Variants in NCBP3 observed in about 807,000 individuals in gnomAD.
The protein encoded by NCBP3 is nuclear cap binding subunit 3.
NCBP3 carries 20 observed loss-of-function variants against 75.7 expected under a neutral mutation model. The ratio of observed to expected loss-of-function variants is 0.26; its 90% CI spans 0.19 to 0.38. NCBP3 has a LOEUF of 0.38. Among genes scored for constraint, NCBP3 ranks in the 10% least tolerant of loss-of-function variants. NCBP3 has a pLI of 1.00. For missense variants in NCBP3, 678 were observed against 796.9 expected (o/e 0.85, Z 1.80); for synonymous variants, 293 against 290.5 (o/e 1.01, Z -0.09).
intron 11 of NCBP3, 39 bp downstream of exon 11, chr17:3,816,077 G>T: frequency 6.3e-7 from 1 of 1,591,140 alleles, no homozygotes; most frequent in South Asian, 1.1e-5. Context: ...GCTTTCCGGA[G>T]CTCAGAATCC....
intron 3 of NCBP3, among the ~76,000 whole-genome samples, chr17:3,830,750 G>A (rs2053863270): frequency 6.6e-6 from 1 of 152,048 alleles, no homozygotes; most frequent in South Asian, 2.1e-4. Context: ...ACCACACCCG[G>A]CTAATTTTGT....
chr17:3,817,628 CA>C (rs1031779857), intron 10 of NCBP3, among the ~76,000 whole-genome samples: 3 of 144,970 alleles, frequency 2.1e-5, no homozygotes, highest in African/African-American at 2.5e-5. Context: ...GACTCCGTCT[CA>C]AAAAAAAAAT....
At chr17:3,821,910 A>C (rs762968063) in intron 8 of NCBP3, 43 bp downstream of exon 8, 1 of 1,309,412 alleles carries the variant, frequency 7.6e-7, no homozygotes, top group South Asian at 1.2e-5. Context: ...TGAAGGATTA[A>C]GAAAAACTCA....
At chr17:3,835,304 T>C (rs188715604) in intron 3 of NCBP3, among the ~76,000 whole-genome samples, 15 of 152,290 alleles carry the variant, frequency 9.8e-5, no homozygotes, top group Admixed American at 9.2e-4. Context: ...TGGCTGCATA[T>C]AGGATGAGTG....
At chr17:3,834,504 G>A (rs547815104) in intron 3 of NCBP3, among the ~76,000 whole-genome samples, 112 of 152,308 alleles carry the variant, frequency 7.4e-4, no homozygotes, top group African/African-American at 2.3e-3. Flanking sequence ...GGCTAGGCGC[G>A]GTGGCTCACG....
At position 3,818,908 on chromosome 17, in the gene NCBP3, C is replaced by T. The variant is rs184682288; in HGVS notation, c.1001-336G>A. ...ATGCTTCCATGGTCATTTGCTGGCACGCACAGAGTGGCAAAAAAATCTGAG... is the reference window on the plus strand; with the variant it reads ...ATGCTTCCATGGTCATTTGCTGGCATGCACAGAGTGGCAAAAAAATCTGAG... On this transcript the variant is annotated intron_variant, in intron 9 of 12. Transcript: ENST00000389005. This position sits in a 1 kb window ranked among gnomAD's most constrained non-coding sequence, Gnocchi z 4.7. 6.6e-6 allele frequency among the ~76,000 whole-genome samples: 1 copy of T among 152,272 alleles called. No individual in the cohort carries two copies. The highest frequency in any genetic ancestry group is 1.9e-4 in the East Asian group (1 of 5,186).
chr17:3,827,150 C>A (rs1450479941), intron 4 of NCBP3, among the ~76,000 whole-genome samples: 2 of 152,048 alleles, frequency 1.3e-5, no homozygotes, highest in African/African-American at 2.4e-5. Flanking sequence ...GTAGTAAAAT[C>A]TCTCTGATGA....
chr17:3,843,784 A>C (rs1392571372), intron 1 of NCBP3, among the ~76,000 whole-genome samples: 1 of 152,086 alleles, frequency 6.6e-6, no homozygotes, highest in Non-Finnish European at 1.5e-5. Flanking sequence ...GACCTCGGTG[A>C]TCCGTCTGTC....
Position 3,812,992 on chromosome 17 carries a change from C to G in NCBP3, c.*52G>C. The stretch of plus-strand genomic sequence containing the variant: ...GGGGAGGTTCCTACTGCGCGCCCCA[C>G]CCTGTGCAAGAATGTCAGGCTTTAG... On this transcript the variant is annotated 3_prime_UTR_variant, in exon 13 of 13. Transcript: ENST00000389005. 3.1e-6 allele frequency: 5 copies of G among 1,609,932 alleles called. No homozygotes were observed. Among genetic ancestry groups the G allele is most frequent in the South Asian group, 2.2e-5 (2 of 90,484 alleles).
Position 3,818,892 on chromosome 17 carries a change from T to C in NCBP3, c.1001-320A>G, listed in dbSNP as rs1405375004. ...AAAATGAATACGTGCAATGCTTCCATGGTCATTTGCTGGCACGCACAGAGT... is the reference window on the plus strand; with the variant it reads ...AAAATGAATACGTGCAATGCTTCCACGGTCATTTGCTGGCACGCACAGAGT... On this transcript the variant is annotated intron_variant, in intron 9 of 12. Coordinates refer to ENST00000389005, the MANE Select transcript of NCBP3 (RefSeq NM_001114118.3). The surrounding 1 kb of genome is among the most constrained non-coding windows in gnomAD (Gnocchi z 4.7). Among the ~76,000 whole-genome samples, 1 of 152,228 alleles carries C rather than the reference T, an allele frequency of 6.6e-6. No individual in the cohort carries two copies. Among genetic ancestry groups the C allele is most frequent in the South Asian group, 2.1e-4 (1 of 4,832 alleles).
intron 9 of NCBP3, 63 bp downstream of exon 9, chr17:3,821,186 A>C: frequency 8.4e-7 from 1 of 1,193,480 alleles, no homozygotes; most frequent in Non-Finnish European, 1.2e-6. Flanking sequence ...GATTGCATTA[A>C]GAATAAAAAT....
intron 1 of NCBP3, among the ~76,000 whole-genome samples, 179 bp downstream of exon 1, chr17:3,845,862 T>A (rs1018753007): frequency 6.6e-6 from 1 of 151,900 alleles, no homozygotes; most frequent in Non-Finnish European, 1.5e-5. Context: ...CCGGCGTCCT[T>A]TCTCCCGCTC....
chr17:3,830,559 T>TA (rs2053859383), intron 3 of NCBP3, among the ~76,000 whole-genome samples: 1 of 152,202 alleles, frequency 6.6e-6, no homozygotes, highest in East Asian at 1.9e-4. Flanking sequence ...AAGGCTATGG[T>TA]CAAAAAAGAA....
intron 3 of NCBP3, among the ~76,000 whole-genome samples, chr17:3,837,474 G>A (rs921963102): frequency 6.7e-6 from 1 of 149,532 alleles, no homozygotes; most frequent in Admixed American, 6.7e-5. Context: ...TCCAGCCTGG[G>A]CTACAGAAAG....
rs1353392025 is a variant in NCBP3 at position 3,814,204 on chromosome 17, C to A, written c.1627+118G>T. 1.4e-5 allele frequency: 14 copies of A among 990,360 alleles called. No homozygotes were observed. In the African/African-American group the frequency reaches 2.3e-4, roughly 16 times the overall value. 61.3% of individuals were successfully genotyped at this position (990,360 alleles called of 1,614,324 possible). On this transcript the variant is annotated intron_variant, in intron 12 of 12. Transcript: ENST00000389005. Reference sequence around the variant, plus strand: ...ATAACTATAATGGAAAAGGAATAATCACTTATATTTGGCGTGGGCTGTTTC... The same window carrying A: ...ATAACTATAATGGAAAAGGAATAATAACTTATATTTGGCGTGGGCTGTTTC...
rs1444170987 is a variant in NCBP3, at chr17:3,806,567, TG to T, written c.*6476del. 6.6e-6 allele frequency: 1 copy of T among 152,126 alleles called. No homozygotes were observed. The highest frequency in any genetic ancestry group is 1.9e-4 in the East Asian group (1 of 5,198). The allele number at this position is 152,126 out of a possible 1,614,324, so 9.4% of individuals were successfully genotyped here. On this transcript the variant is annotated 3_prime_UTR_variant, in exon 13 of 13. Transcript: ENST00000389005. ...GAGGCAGGGTACTGACCTTGGTAGG[TG>T]AAATACCGCCTATACTCTCAAGTTT...
At chr17:3,828,427 A>G (rs1037829147) in intron 4 of NCBP3, among the ~76,000 whole-genome samples, 1 of 152,198 alleles carries the variant, frequency 6.6e-6, no homozygotes, top group Admixed American at 6.5e-5. Flanking sequence ...AGTTAAACAG[A>G]AAGAAAACAG....
chr17:3,845,983 T>C (rs1244197495), intron 1 of NCBP3, 58 bp downstream of exon 1: 1 of 1,484,402 alleles, frequency 6.7e-7, no homozygotes, highest in Non-Finnish European at 9.0e-7. Flanking sequence ...TCCGGCCCCC[T>C]CCGGCGCTAG....
Position 3,808,878 on chromosome 17 carries a change from G to A in NCBP3, c.*4166C>T, listed in dbSNP as rs2053365779. On this transcript the variant is annotated 3_prime_UTR_variant, in exon 13 of 13. Coordinates refer to ENST00000389005, the MANE Select transcript of NCBP3 (RefSeq NM_001114118.3). ...TTCTCGGGGCAATAGTGAAGCTTTG[G>A]AAAACGTTCAAGCAGAGGAATAACA... 6.6e-6 allele frequency: 1 copy of A among 152,070 alleles called. No individual in the cohort carries two copies. The highest frequency in any genetic ancestry group is 2.4e-5 in the African/African-American group (1 of 41,398). The allele number at this position is 152,070 out of a possible 1,614,324, so 9.4% of individuals were successfully genotyped here. A position where few individuals can be genotyped will look rare whatever the true frequency, so the allele number is the denominator to read the frequency against.
Sources: allele counts gnomAD v4.1 joint callset (sites outside exome capture counted in the v4.1 genomes callset), GRCh38; gene constraint gnomAD v4.1.1; non-coding constraint Gnocchi (gnomAD v3.1); transcripts MANE v1.5; gene names NCBI Gene and HGNC (gene_info 2026-07-23, HGNC 2026-07-21).